Variants in ZUP1 observed in about 807,000 individuals in gnomAD.
ZUP1 encodes zinc finger containing ubiquitin peptidase 1.
A neutral mutation model predicts 68.1 loss-of-function variants in ZUP1; 55 were observed. That is an observed-to-expected ratio of 0.81 (90% CI 0.65 to 1.01). The LOEUF (loss-of-function observed/expected upper bound fraction) is 1.01. ZUP1 is among the 50% of genes least tolerant of loss of function. The pLI, the probability that ZUP1 is intolerant of heterozygous loss-of-function variation, is 0.00. For missense variants in ZUP1, 684 were observed against 674.9 expected (o/e 1.01, Z -0.15); for synonymous variants, 223 against 221.5 (o/e 1.01, Z -0.06).
At chr6:116,655,450 T>TG (rs1776633298) in intron 5 of ZUP1, among the ~76,000 whole-genome samples, 1 of 152,072 alleles carries the variant, frequency 6.6e-6, no homozygotes, top group Non-Finnish European at 1.5e-5. Flanking sequence ...AGTTCCCTTG[T>TG]GGGGAGGGCA....
chr6:116,642,947 C>G (rs1373434212), intron 9 of ZUP1, among the ~76,000 whole-genome samples: 1 of 152,206 alleles, frequency 6.6e-6, no homozygotes, highest in Non-Finnish European at 1.5e-5. Flanking sequence ...CCCACTGTCT[C>G]AGCCCAAAAT....
Position 116,652,022 on chromosome 6 carries a change from A to T in ZUP1, c.1132T>A (p.Tyr378Asn). 1.9e-6 allele frequency: 3 copies of T among 1,613,870 alleles called. No homozygotes were observed. The highest frequency in any genetic ancestry group is 2.5e-6 in the Non-Finnish European group (3 of 1,179,814). The change falls in exon 6 of 10, where the codon TAC becomes AAC. Residue 378 changes from tyrosine (Y) to asparagine (N), a missense_variant. Transcript: ENST00000368576. Reference sequence around the variant, plus strand: ...CACATACCTTTTAAGCAATCGTTGTAAGCATCATTTTGTAATAATGATGAA... The same window carrying T: ...CACATACCTTTTAAGCAATCGTTGTTAGCATCATTTTGTAATAATGATGAA... ...LLSSLLQNDA[Y>N]NDCLKGMLIP...
chr6:116,643,732 A>T (rs1178726069), intron 9 of ZUP1, among the ~76,000 whole-genome samples: 1 of 152,216 alleles, frequency 6.6e-6, no homozygotes, highest in East Asian at 1.9e-4. Context: ...AACCATAAAA[A>T]CCCTAGAAGA....
chr6:116,662,339 C>A (rs1776867950), intron 2 of ZUP1, among the ~76,000 whole-genome samples: 1 of 152,100 alleles, frequency 6.6e-6, no homozygotes, highest in African/African-American at 2.4e-5. Context: ...AAGTGATAAC[C>A]AACCTTCCTC....
intron 1 of ZUP1, among the ~76,000 whole-genome samples, chr6:116,667,424 T>C (rs1046321944): frequency 4.6e-5 from 7 of 152,060 alleles, no homozygotes; most frequent in African/African-American, 1.7e-4. Flanking sequence ...TGAATACAAG[T>C]AATTTTAAAA....
At chr6:116,638,066 CA>C (rs11398572) in intron 9 of ZUP1, among the ~76,000 whole-genome samples, 364 of 88,788 alleles carry the variant, frequency 4.1e-3, no homozygotes, top group Middle Eastern at 7.1e-3. Flanking sequence ...AGTCGGTCTC[CA>C]AAAAAAAAAA....
intron 9 of ZUP1, among the ~76,000 whole-genome samples, chr6:116,641,268 TAGAC>T (rs1442806068): frequency 6.6e-6 from 1 of 151,922 alleles, no homozygotes; most frequent in Non-Finnish European, 1.5e-5. Flanking sequence ...CTGTCAACAT[TAGAC>T]AGATCAACGA....
intron 9 of ZUP1, 131 bp downstream of exon 9, chr6:116,645,583 C>CAAAAAAAAAAAAAAAAAAAAAAAAAAAA (rs59393240): frequency 4.6e-6 from 2 of 431,286 alleles, no homozygotes; most frequent in Admixed American, 6.5e-5. Context: ...ACCCTGTCTC[C>CAAAAAAAAAAAAAAAAAAAAAAAAAAAA]AAAAAAAAAA....
chr6:116,641,428 C>T (rs960401241), intron 9 of ZUP1, among the ~76,000 whole-genome samples: 5 of 152,068 alleles, frequency 3.3e-5, no homozygotes, highest in Non-Finnish European at 7.4e-5. Context: ...AAATTGACCA[C>T]ATACTTGGAA....
chr6:116,658,486 T>A (rs1562409225), intron 4 of ZUP1, among the ~76,000 whole-genome samples: 1 of 152,174 alleles, frequency 6.6e-6, no homozygotes, highest in Non-Finnish European at 1.5e-5. Context: ...AATGCAAGCT[T>A]TATCACTAAT....
chr6:116,656,326 C>T (rs1038612996), intron 5 of ZUP1, among the ~76,000 whole-genome samples: 2 of 151,250 alleles, frequency 1.3e-5, no homozygotes, highest in Non-Finnish European at 3.0e-5. Flanking sequence ...TCAGGTGATC[C>T]GCCTGTCTCA....
chr6:116,654,952 G>A (rs951504730), intron 5 of ZUP1, among the ~76,000 whole-genome samples: 16 of 152,062 alleles, frequency 1.1e-4, no homozygotes, highest in African/African-American at 3.6e-4. Flanking sequence ...CCTTAACAAC[G>A]TTGAAGATTT....
rs760783407 is a variant in ZUP1, at chr6:116,667,047, T to C, written c.146A>G (p.Glu49Gly). 1 of 1,613,836 alleles carries C rather than the reference T, an allele frequency of 6.2e-7. No homozygotes were observed. The change falls in exon 2 of 10, where the codon GAA (glutamate) becomes GGA (glycine). Residue 49 changes from glutamate (E) to glycine (G), a missense_variant. Transcript: ENST00000368576. ...VNYDEMCFHI[E>G]TAHFEQNTLE... The stretch of plus-strand genomic sequence containing the variant: ...TGTATTCTGCTCAAAATGAGCTGTT[T>C]CGATATGAAAACACATTTCATCATA...
chr6:116,645,648 ACT>A, intron 9 of ZUP1, 64 bp downstream of exon 9: 1 of 1,245,118 alleles, frequency 8.0e-7, no homozygotes, highest in Non-Finnish European at 1.1e-6. Context: ...CTGATTTTAA[ACT>A]AAAAGTTTTA....
Position 116,635,788 on chromosome 6 carries a change from A to C in ZUP1, c.*44T>G. 1 of 1,528,472 alleles carries C rather than the reference A, an allele frequency of 6.5e-7. No homozygotes were observed. Among genetic ancestry groups the C allele is most frequent in the Non-Finnish European group, 8.9e-7 (1 of 1,124,744 alleles). 94.7% of individuals were successfully genotyped at this position (1,528,472 alleles called of 1,614,324 possible). A position where few individuals can be genotyped will look rare whatever the true frequency, so the allele number is the denominator to read the frequency against. ...AGTTCAATATCTACATTTAGAAAAC[A>C]AAGTATTGTTCTCAATCACTGAAAT... On this transcript the variant is annotated 3_prime_UTR_variant, in exon 10 of 10. Transcript: ENST00000368576.
chr6:116,644,829 T>TA (rs1398879945), intron 9 of ZUP1, among the ~76,000 whole-genome samples: 1 of 149,030 alleles, frequency 6.7e-6, no homozygotes. Flanking sequence ...CCCTAAAACT[T>TA]AAAGTATGAT....
chr6:116,662,074 A>G (rs1776859195), intron 2 of ZUP1, among the ~76,000 whole-genome samples: 2 of 152,260 alleles, frequency 1.3e-5, no homozygotes, highest in East Asian at 3.8e-4. Flanking sequence ...AGATGTAATC[A>G]TTGGAATAAA....
At chr6:116,646,764 C>T (rs1776322414) in intron 8 of ZUP1, among the ~76,000 whole-genome samples, 2 of 152,132 alleles carry the variant, frequency 1.3e-5, no homozygotes, top group African/African-American at 2.4e-5. Flanking sequence ...TTTGTAGAGA[C>T]AGGGTCTCAC....
At chr6:116,645,492 G>T (rs1776262283) in intron 9 of ZUP1, among the ~76,000 whole-genome samples, 1 of 149,988 alleles carries the variant, frequency 6.7e-6, no homozygotes, top group Non-Finnish European at 1.5e-5. Context: ...GAGGCAGGAG[G>T]ATCGCTTGAG....
Sources: allele counts gnomAD v4.1 joint callset (sites outside exome capture counted in the v4.1 genomes callset), GRCh38; gene constraint gnomAD v4.1.1; transcripts MANE v1.5; gene names NCBI Gene and HGNC (gene_info 2026-07-23, HGNC 2026-07-21).